FSTL4: variants seen among roughly 807,000 people sequenced by gnomAD.
The protein encoded by FSTL4 is follistatin-related protein 4.
A neutral mutation model predicts 78.2 loss-of-function variants in FSTL4; 28 were observed. That is an observed-to-expected ratio of 0.36 (90% CI 0.27 to 0.49). The LOEUF (loss-of-function observed/expected upper bound fraction) is 0.49. Among genes scored for constraint, FSTL4 ranks in the 20% least tolerant of loss-of-function variants. The probability of loss-of-function intolerance (pLI) is 0.98; values close to 1 mark genes in which losing one functional copy is unlikely to be tolerated. For missense variants in FSTL4, 922 were observed against 1,084.9 expected, an observed-to-expected ratio of 0.85 and a Z score of 2.11; for synonymous variants, 422 against 440.5, an observed-to-expected ratio of 0.96 and a Z score of 0.53.
chr5:133,611,200 C>T lies in FSTL4; in HGVS notation c.-11+1125G>A, dbSNP rs1041065725. Among the ~76,000 whole-genome samples, 3 of 152,056 alleles carry T rather than the reference C, an allele frequency of 2.0e-5. No individual in the cohort carries two copies. Among genetic ancestry groups the T allele is most frequent in the Non-Finnish European group, 4.4e-5 (3 of 67,978 alleles). On this transcript the variant is annotated intron_variant, in intron 1 of 15. Coordinates refer to ENST00000265342, the MANE Select transcript of FSTL4 (RefSeq NM_015082.2). This position sits in a 1 kb window ranked among gnomAD's most constrained non-coding sequence, Gnocchi z 4.9. ...AGCGCCCCGGCACCCGCTCTCGAGC[C>T]GCGACACCGACCTCGCCGGGCCCGC...
intron 3 of FSTL4, among the ~76,000 whole-genome samples, chr5:133,529,795 T>C (rs572780629): frequency 1.3e-5 from 2 of 152,302 alleles, no homozygotes; most frequent in Admixed American, 6.5e-5. Context: ...AATGGTTTTT[T>C]GTATATTGCT....
At chr5:133,419,974 A>T (rs1462534632) in intron 3 of FSTL4, among the ~76,000 whole-genome samples, 1 of 152,256 alleles carries the variant, frequency 6.6e-6, no homozygotes, top group Non-Finnish European at 1.5e-5. Flanking sequence ...TGGAAGTTTT[A>T]TTCATAGTAG....
At chr5:133,210,142 T>G in intron 14 of FSTL4, 49 bp downstream of exon 14, 1 of 947,090 alleles carries the variant, frequency 1.1e-6, no homozygotes, top group Non-Finnish European at 1.7e-6. Flanking sequence ...AGGGAGAGAG[T>G]TCTTCTCTCA....
chr5:133,319,635 C>A, intron 4 of FSTL4, among the ~76,000 whole-genome samples: 1 of 152,132 alleles, frequency 6.6e-6, no homozygotes, highest in East Asian at 1.9e-4. Flanking sequence ...GTGGGACAAC[C>A]CAGGCAGAGC....
chr5:133,395,334 G>A (rs1013971090), intron 4 of FSTL4, among the ~76,000 whole-genome samples: 7 of 152,090 alleles, frequency 4.6e-5, no homozygotes, highest in Non-Finnish European at 8.8e-5. Context: ...CTCCAGACGC[G>A]CCGCCTTAAG....
chr5:133,549,679 G>A lies in FSTL4; in HGVS notation c.160+17507C>T, dbSNP rs145266357. 1.6e-4 allele frequency among the ~76,000 whole-genome samples: 24 copies of A among 152,222 alleles called. No homozygotes were observed. In the East Asian group the frequency reaches 4.4e-3, roughly 28 times the overall value. ...ACTGAAGAAGAGTTCTTTTACATAG[G>A]ATTTGTGTTTGCTCTACCATGTACC... is the stretch of plus-strand genomic sequence containing the variant. On this transcript the variant is annotated intron_variant, in intron 3 of 15. Coordinates refer to ENST00000265342, the MANE Select transcript of FSTL4 (RefSeq NM_015082.2).
At chr5:133,286,851 G>A (rs114660858) in intron 6 of FSTL4, among the ~76,000 whole-genome samples, 2,140 of 152,248 alleles carry the variant, frequency 0.014, 51 homozygotes, top group African/African-American at 0.049. Flanking sequence ...CACACTGATC[G>A]CCTCAATGCT....
At position 133,198,515 on chromosome 5, in the gene FSTL4, G is replaced by A. The variant is rs1017507987; in HGVS notation, c.*580C>T. On this transcript the variant is annotated 3_prime_UTR_variant, in exon 16 of 16. Transcript: ENST00000265342. ...ATCAAAAATTTCCAAAATAAAGTGA[G>A]TGATTTCCCCATCCCCCAAGATGCA... The A allele has an allele frequency of 5.2e-5, 8 of 152,568 alleles. No individual in the cohort carries two copies. Among genetic ancestry groups the A allele is most frequent in the African/African-American group, 1.9e-4 (8 of 41,438 alleles). The allele number at this position is 152,568 out of a possible 1,614,324, so 9.5% of individuals were successfully genotyped here.
chr5:133,528,863 T>C (rs1561458005), intron 3 of FSTL4, among the ~76,000 whole-genome samples: 1 of 152,242 alleles, frequency 6.6e-6, no homozygotes, highest in African/African-American at 2.4e-5. Context: ...CTGTTCTTGT[T>C]TGGACACAGA....
At chr5:133,576,792 G>A (rs180750952) in intron 2 of FSTL4, among the ~76,000 whole-genome samples, 13 of 152,284 alleles carry the variant, frequency 8.5e-5, no homozygotes, top group South Asian at 2.1e-4. Flanking sequence ...GGGATTCATC[G>A]CTACTGAAAT....
At chr5:133,776,443 G>C in the FSTL4 span, among the ~76,000 whole-genome samples, 3 of 152,116 alleles carry the variant, frequency 2.0e-5, no homozygotes, top group Admixed American at 6.5e-5. Flanking sequence ...TGCCCATGTT[G>C]CTAGTCCCAG....
the FSTL4 span, among the ~76,000 whole-genome samples, chr5:133,748,856 G>C: frequency 6.6e-6 from 1 of 152,206 alleles, no homozygotes; most frequent in Non-Finnish European, 1.5e-5. Flanking sequence ...AAGAGAGAGA[G>C]AGCGTTGAGA....
intron 2 of FSTL4, chr5:133,583,555 G>A (rs1265355253): frequency 6.1e-6 from 1 of 165,180 alleles, no homozygotes; most frequent in Non-Finnish European, 1.2e-5. Flanking sequence ...TGGAAAATCG[G>A]GTCACTCCCA....
At chr5:133,693,161 C>T in the FSTL4 span, among the ~76,000 whole-genome samples, 1 of 152,178 alleles carries the variant, frequency 6.6e-6, no homozygotes, top group African/African-American at 2.4e-5. Context: ...GGGCCATTGC[C>T]TCTGCTTTGC....
the FSTL4 span, among the ~76,000 whole-genome samples, chr5:133,714,437 G>A: frequency 1.3e-5 from 2 of 152,164 alleles, no homozygotes; most frequent in Non-Finnish European, 2.9e-5. Flanking sequence ...TCTTAACCCT[G>A]AAGCCCGGCG....
At chr5:133,237,068 C>G (rs757391658) in intron 7 of FSTL4, among the ~76,000 whole-genome samples, 4 of 152,176 alleles carry the variant, frequency 2.6e-5, no homozygotes, top group East Asian at 1.9e-4. Flanking sequence ...TTCAGTTTGA[C>G]AGCCGAGGTG....
the FSTL4 span, among the ~76,000 whole-genome samples, chr5:133,677,841 G>A: frequency 5.9e-5 from 9 of 152,112 alleles, no homozygotes; most frequent in African/African-American, 2.2e-4. Context: ...TACTACAAGG[G>A]CCAGGAATTA....
the FSTL4 span, among the ~76,000 whole-genome samples, chr5:133,707,568 G>A: frequency 6.6e-6 from 1 of 152,184 alleles, no homozygotes; most frequent in Admixed American, 6.5e-5. Context: ...GGAGCCCAGA[G>A]CTCTGCATCT....
chr5:133,333,200 G>C (rs1472200183), intron 4 of FSTL4, among the ~76,000 whole-genome samples: 1 of 152,184 alleles, frequency 6.6e-6, no homozygotes, highest in African/African-American at 2.4e-5. Context: ...ACAAATCCCA[G>C]GTCATAGTGC....
Sources: allele counts gnomAD v4.1 joint callset (sites outside exome capture counted in the v4.1 genomes callset), GRCh38; gene constraint gnomAD v4.1.1; non-coding constraint Gnocchi (gnomAD v3.1); transcripts MANE v1.5; gene names NCBI Gene and HGNC (gene_info 2026-07-23, HGNC 2026-07-21).